ATXN1: variants seen among roughly 807,000 people sequenced by gnomAD.
The protein encoded by ATXN1 is ataxin 1.
ATXN1 carries 8 observed loss-of-function variants against 56.4 expected under a neutral mutation model. That is an observed-to-expected ratio of 0.14 (90% CI 0.08 to 0.26). The LOEUF (loss-of-function observed/expected upper bound fraction) is 0.26. Among genes scored for constraint, ATXN1 ranks in the 10% least tolerant of loss-of-function variants. The pLI is 1.00. For missense variants in ATXN1, 987 were observed against 1,106.5 expected, an observed-to-expected ratio of 0.89 and a Z score of 1.53; for synonymous variants, 514 against 494.6, an observed-to-expected ratio of 1.04 and a Z score of -0.52.
chr6:16,499,067 C>A (rs1760829688), intron 5 of ATXN1, among the ~76,000 whole-genome samples: 1 of 152,084 alleles, frequency 6.6e-6, no homozygotes, highest in African/African-American at 2.4e-5. Context: ...ATCTAAGAAT[C>A]TATTGCCAAA....
intron 4 of ATXN1, among the ~76,000 whole-genome samples, chr6:16,555,204 G>A (rs1285317510): frequency 6.6e-6 from 1 of 151,748 alleles, no homozygotes; most frequent in African/African-American, 2.4e-5. Flanking sequence ...TTCATCCTTG[G>A]TCCTGATGTG....
intron 3 of ATXN1, among the ~76,000 whole-genome samples, chr6:16,647,767 C>T (rs181654757): frequency 6.0e-4 from 91 of 152,272 alleles, no homozygotes; most frequent in African/African-American, 1.7e-3. Context: ...TCAATCATAA[C>T]TCAATAATGC....
chr6:16,595,749 G>A (rs758770093), intron 3 of ATXN1, among the ~76,000 whole-genome samples: 1 of 152,160 alleles, frequency 6.6e-6, no homozygotes, highest in African/African-American at 2.4e-5. Flanking sequence ...AATGTTGACA[G>A]AGAGTAAACA....
At chr6:16,382,919 G>A (rs1434773857) in intron 6 of ATXN1, among the ~76,000 whole-genome samples, 1 of 151,932 alleles carries the variant, frequency 6.6e-6, no homozygotes, top group Non-Finnish European at 1.5e-5. Flanking sequence ...GGAGTGGGGA[G>A]GGTGGAAGTG....
intron 7 of ATXN1, among the ~76,000 whole-genome samples, chr6:16,322,886 G>A (rs904159525): frequency 5.9e-5 from 9 of 152,174 alleles, no homozygotes; most frequent in African/African-American, 1.9e-4. Context: ...CATTGGTTGC[G>A]TCAGGCCTTG....
intron 6 of ATXN1, among the ~76,000 whole-genome samples, chr6:16,459,084 G>C (rs187501579): frequency 1.3e-4 from 20 of 152,346 alleles, no homozygotes; most frequent in Non-Finnish European, 2.2e-4. Context: ...CACCTCCTCA[G>C]TTGTAATTGG....
chr6:16,616,522 A>G (rs1763211549), intron 3 of ATXN1, among the ~76,000 whole-genome samples: 1 of 146,800 alleles, frequency 6.8e-6, no homozygotes, highest in Non-Finnish European at 1.5e-5. Context: ...CCTGGGTGAC[A>G]GAAGGAGACT....
intron 6 of ATXN1, among the ~76,000 whole-genome samples, chr6:16,418,536 T>C (rs916785145): frequency 3.9e-5 from 6 of 152,178 alleles, no homozygotes; most frequent in African/African-American, 1.4e-4. Context: ...AGTCTGACCA[T>C]GCAATACTCC....
intron 3 of ATXN1, among the ~76,000 whole-genome samples, chr6:16,636,219 TTTC>T (rs1313135159): frequency 6.6e-6 from 1 of 152,204 alleles, no homozygotes; most frequent in Non-Finnish European, 1.5e-5. Flanking sequence ...GGGCTACTGC[TTTC>T]TTCTTCATAG....
chr6:16,760,527 C>T lies in ATXN1; in HGVS notation c.-730+771G>A, dbSNP rs1554131653. The stretch of plus-strand genomic sequence containing the variant: ...CAGCCGCGCTCCAGGCACCCGCACA[C>T]CCGCTACCCCCGCGCGGTCCCCGAG... On this transcript the variant is annotated intron_variant, in intron 1 of 7. Transcript: ENST00000436367. This position sits in a 1 kb window ranked among gnomAD's most constrained non-coding sequence, Gnocchi z 5.3. 1.3e-5 allele frequency among the ~76,000 whole-genome samples: 2 copies of T among 151,318 alleles called. No homozygotes were observed. The highest frequency in any genetic ancestry group is 3.0e-5 in the Non-Finnish European group (2 of 67,750).
At chr6:16,518,315 G>T (rs762277980) in intron 5 of ATXN1, among the ~76,000 whole-genome samples, 7 of 152,202 alleles carry the variant, frequency 4.6e-5, no homozygotes, top group Admixed American at 1.3e-4. Context: ...TGAGTAACCC[G>T]GCTGGGGCTA....
At chr6:16,346,781 G>A (rs1247436754) in intron 6 of ATXN1, among the ~76,000 whole-genome samples, 1 of 152,158 alleles carries the variant, frequency 6.6e-6, no homozygotes, top group Non-Finnish European at 1.5e-5. Flanking sequence ...CCACTTTGGC[G>A]GCTCTTGAGG....
At chr6:16,601,626 G>A (rs571941738) in intron 3 of ATXN1, among the ~76,000 whole-genome samples, 18 of 152,254 alleles carry the variant, frequency 1.2e-4, no homozygotes, top group African/African-American at 2.6e-4. Flanking sequence ...CGAGGCGGGC[G>A]GACCATGAGG....
intron 6 of ATXN1, among the ~76,000 whole-genome samples, chr6:16,423,195 T>C (rs1759071499): frequency 6.6e-6 from 1 of 152,226 alleles, no homozygotes; most frequent in South Asian, 2.1e-4. Flanking sequence ...CCTGAAATTC[T>C]TCTTTGTCAT....
intron 1 of ATXN1, 141 bp downstream of exon 1, chr6:16,761,157 G>A: frequency 5.4e-6 from 2 of 367,340 alleles, no homozygotes; most frequent in Non-Finnish European, 1.1e-5. Flanking sequence ...GCAGCCGATT[G>A]GGGTTTTGGG....
intron 6 of ATXN1, among the ~76,000 whole-genome samples, chr6:16,385,511 A>C (rs997457810): frequency 2.0e-5 from 3 of 152,196 alleles, no homozygotes; most frequent in Admixed American, 6.5e-5. Context: ...GGGCACATGG[A>C]GGAACAGCAT....
intron 6 of ATXN1, among the ~76,000 whole-genome samples, chr6:16,361,892 A>G (rs1761815302): frequency 6.6e-6 from 1 of 152,208 alleles, no homozygotes. Context: ...AAAATGCTTC[A>G]CCTTCTTGAG....
chr6:16,673,319 T>C (rs1244814061), intron 2 of ATXN1, among the ~76,000 whole-genome samples: 1 of 152,240 alleles, frequency 6.6e-6, no homozygotes, highest in Non-Finnish European at 1.5e-5. Context: ...TTTCCGGCTT[T>C]ACCAAACACA....
chr6:16,401,503 G>A (rs1428198963), intron 6 of ATXN1, among the ~76,000 whole-genome samples: 1 of 152,158 alleles, frequency 6.6e-6, no homozygotes, highest in African/African-American at 2.4e-5. Flanking sequence ...CTACTCAGAG[G>A]CTGAGGGTGG....
Sources: gnomAD v4.1 joint callset for allele counts (sites outside exome capture counted in the v4.1 genomes callset) on GRCh38, gnomAD v4.1.1 for gene constraint, Gnocchi (gnomAD v3.1) non-coding constraint, MANE v1.5 for transcripts, NCBI Gene and HGNC (gene_info 2026-07-23, HGNC 2026-07-21) for gene names.